DLGAP2: variants seen among roughly 807,000 people sequenced by gnomAD.
DLGAP2 encodes disks large-associated protein 2.
In DLGAP2, 26 loss-of-function variants were observed where a neutral mutation model predicts 100.3. That is an observed-to-expected ratio of 0.26 (90% CI 0.19 to 0.36). The LOEUF (loss-of-function observed/expected upper bound fraction) is 0.36, where lower values mean the gene tolerates loss of function less well. Among genes scored for constraint, DLGAP2 ranks in the 10% least tolerant of loss-of-function variants. The pLI is 1.00. For missense variants in DLGAP2, 1,858 were observed against 1,453.2 expected (o/e 1.28, Z -4.53); for synonymous variants, 886 against 630.1 (o/e 1.41, Z -6.08).
At chr8:1,207,040 C>T (rs1798011446) in intron 2 of DLGAP2, among the ~76,000 whole-genome samples, 9 of 152,230 alleles carry the variant, frequency 5.9e-5, no homozygotes, top group Admixed American at 5.9e-4. Flanking sequence ...AGGTTTCACC[C>T]TCTCCATTCC....
At chr8:1,527,119 C>T (rs576832187) in intron 4 of DLGAP2, among the ~76,000 whole-genome samples, 7 of 152,212 alleles carry the variant, frequency 4.6e-5, no homozygotes, top group East Asian at 1.9e-4. Context: ...TCGTCTACAC[C>T]GCGGGCTCAC....
rs576559927 is a variant in DLGAP2, at chr8:819,775, C to T, written c.18+81950C>T. On this transcript the variant is annotated intron_variant, in intron 1 of 14. Coordinates refer to ENST00000637795, the MANE Select transcript of DLGAP2 (RefSeq NM_001346810.2). ...AAAACAATGAAACACCTGGGAGGTA[C>T]GTAAAACATCATCAAGTACTTGGTG... 2.0e-5 allele frequency among the ~76,000 whole-genome samples: 3 copies of T among 152,260 alleles called. No individual in the cohort carries two copies. In the South Asian group the frequency reaches 6.2e-4, roughly 32 times the overall value.
At chr8:937,954 C>A (rs901519970) in intron 2 of DLGAP2, among the ~76,000 whole-genome samples, 2 of 152,108 alleles carry the variant, frequency 1.3e-5, no homozygotes, top group Non-Finnish European at 1.5e-5. Context: ...AGTGCTGATC[C>A]AAGGTGGAGC....
In DLGAP2 at chr8:756,305, G is replaced by A. The variant is rs545850762; in HGVS notation, c.18+18480G>A. ...ATGGTCATGGCCGGATAGGGAGCAG[G>A]TGTGGGCAGGTTGGGGCTGACGGCA... is the stretch of plus-strand genomic sequence containing the variant. On this transcript the variant is annotated intron_variant, in intron 1 of 14. Coordinates refer to ENST00000637795, the MANE Select transcript of DLGAP2 (RefSeq NM_001346810.2). Among the ~76,000 whole-genome samples the A allele has an allele frequency of 7.0e-4, 107 of 152,268 alleles. 1 individual carries two copies. The highest frequency in any genetic ancestry group is 2.5e-3 in the African/African-American group (103 of 41,536).
intron 1 of DLGAP2, among the ~76,000 whole-genome samples, chr8:785,284 C>G (rs1176735399): frequency 1.3e-5 from 2 of 149,678 alleles, no homozygotes; most frequent in African/African-American, 4.9e-5. Context: ...TGCGCCGGAT[C>G]CTGCCATGCT....
At chr8:1,297,371 T>G (rs1800206502) in intron 3 of DLGAP2, 1 of 152,420 alleles carries the variant, frequency 6.6e-6, no homozygotes, top group Non-Finnish European at 1.5e-5. Flanking sequence ...AACCAGAGCT[T>G]CAGTGAGAGC....
At chr8:1,515,414 GCACA>G (rs1051191668) in intron 4 of DLGAP2, among the ~76,000 whole-genome samples, 1 of 150,514 alleles carries the variant, frequency 6.6e-6, no homozygotes, top group Non-Finnish European at 1.5e-5. Context: ...ACACAGATGT[GCACA>G]CACACACGCA....
At chr8:912,212 A>T (rs1798499238) in intron 2 of DLGAP2, among the ~76,000 whole-genome samples, 1 of 152,208 alleles carries the variant, frequency 6.6e-6, no homozygotes, top group Non-Finnish European at 1.5e-5. Context: ...AACCTCAAAC[A>T]GATCAAGCAT....
At chr8:1,413,499 A>T (rs1796791851) in intron 3 of DLGAP2, among the ~76,000 whole-genome samples, 1 of 152,254 alleles carries the variant, frequency 6.6e-6, no homozygotes, top group Non-Finnish European at 1.5e-5. Flanking sequence ...AAAGTTGTAG[A>T]TTACTTTGCA....
intron 2 of DLGAP2, among the ~76,000 whole-genome samples, chr8:942,931 C>T (rs951393522): frequency 3.1e-4 from 47 of 152,238 alleles, no homozygotes; most frequent in African/African-American, 1.1e-3. Flanking sequence ...GTTTGCCTCT[C>T]CAGTGATGCG....
chr8:1,604,340 C>T (rs1185638252), intron 6 of DLGAP2, among the ~76,000 whole-genome samples: 1 of 152,168 alleles, frequency 6.6e-6, no homozygotes, highest in African/African-American at 2.4e-5. Context: ...GGACAAAATT[C>T]AGATTCTCTA....
At chr8:805,868 T>A (rs7463944) in intron 1 of DLGAP2, among the ~76,000 whole-genome samples, 37,569 of 152,050 alleles carry the variant, frequency 0.25, 5,742 homozygotes, top group African/African-American at 0.43. Flanking sequence ...CCCGTACACG[T>A]CTTGTTTGGA....
At chr8:781,909 C>G (rs1164058506) in intron 1 of DLGAP2, among the ~76,000 whole-genome samples, 1 of 152,060 alleles carries the variant, frequency 6.6e-6, no homozygotes, top group South Asian at 2.1e-4. Flanking sequence ...TAGGATAATA[C>G]CACTGCTATT....
At chr8:1,203,761 T>C (rs555179411) in intron 2 of DLGAP2, among the ~76,000 whole-genome samples, 3 of 152,318 alleles carry the variant, frequency 2.0e-5, no homozygotes, top group East Asian at 3.9e-4. Context: ...TGATGAAATA[T>C]CACTGTTATT....
chr8:912,674 G>T (rs1371124402), intron 2 of DLGAP2, among the ~76,000 whole-genome samples: 1 of 150,976 alleles, frequency 6.6e-6, no homozygotes, highest in Non-Finnish European at 1.5e-5. Flanking sequence ...CTTCCTATCT[G>T]TGGAGCTGAC....
At chr8:1,165,857 G>T (rs1368068606) in intron 2 of DLGAP2, among the ~76,000 whole-genome samples, 1 of 147,034 alleles carries the variant, frequency 6.8e-6, no homozygotes, top group Admixed American at 7.0e-5. Flanking sequence ...TAGATTTAAG[G>T]GAAAAAAAAA....
rs746322363 is a variant in DLGAP2, at chr8:1,549,258, G to T, written c.805G>T (p.Ala269Ser). 1 of 1,610,158 alleles carries T rather than the reference G, an allele frequency of 6.2e-7. No individual in the cohort carries two copies. The highest frequency in any genetic ancestry group is 8.5e-7 in the Non-Finnish European group (1 of 1,179,050). The change falls in exon 5 of 15, where the codon GCC (alanine) becomes TCC (serine). Residue 269 changes from alanine to serine, a missense_variant. Ala to Ser is a moderately conservative substitution (Grantham distance 99). Coordinates refer to ENST00000637795, the MANE Select transcript of DLGAP2 (RefSeq NM_001346810.2). ...ADGRADDHHH[A>S]HHAKHSKRSK... ...CGGCCGGGCGGACGACCACCACCAC[G>T]CCCACCACGCCAAGCACAGCAAGAG...
rs185418633 is a variant in DLGAP2, at chr8:1,570,458, T to C, written c.1442+4564T>C. On this transcript the variant is annotated intron_variant, in intron 6 of 14. Transcript: ENST00000637795. ...CAGGTGAATATTCATATCCCAAACA[T>C]GTTCTCCTAATCCAATTCCTCATTT... 3.0e-3 allele frequency among the ~76,000 whole-genome samples: 459 copies of C among 152,392 alleles called. 3 individuals carry two copies. The highest frequency in any genetic ancestry group is 0.01 in the African/African-American group (430 of 41,588).
intron 3 of DLGAP2, among the ~76,000 whole-genome samples, chr8:1,262,217 A>G (rs1208800125): frequency 1.3e-5 from 2 of 152,186 alleles, no homozygotes; most frequent in African/African-American, 2.4e-5. Flanking sequence ...CAGTTGGGGA[A>G]TCTCTACGAT....
Sources: gnomAD v4.1 joint callset for allele counts (sites outside exome capture counted in the v4.1 genomes callset) on GRCh38, gnomAD v4.1.1 for gene constraint, MANE v1.5 for transcripts, NCBI Gene and HGNC (gene_info 2026-07-23, HGNC 2026-07-21) for gene names.